Variants in GAS7 observed in about 807,000 individuals in gnomAD.
GAS7 encodes the protein growth arrest specific 7.
A neutral mutation model predicts 71.1 loss-of-function variants in GAS7; 28 were observed. The ratio of observed to expected loss-of-function variants is 0.39; its 90% CI spans 0.29 to 0.54. The LOEUF is 0.54. Among genes scored for constraint, GAS7 ranks in the 20% least tolerant of loss-of-function variants. The probability of loss-of-function intolerance (pLI) is 0.62; values close to 1 mark genes in which losing one functional copy is unlikely to be tolerated. For synonymous variants in GAS7, 258 were observed against 245.8 expected, an observed-to-expected ratio of 1.05 and a Z score of -0.46; for missense variants, 436 against 627.8, an observed-to-expected ratio of 0.69 and a Z score of 3.27.
intron 1 of GAS7, among the ~76,000 whole-genome samples, chr17:10,080,196 C>T (rs899762154): frequency 1.3e-5 from 2 of 152,168 alleles, no homozygotes; most frequent in Non-Finnish European, 2.9e-5. Context: ...TGGTCATCCT[C>T]GCTGCTCATT....
intron 1 of GAS7, chr17:10,039,692 T>C (rs1481582178): frequency 6.6e-6 from 3 of 452,222 alleles, no homozygotes; most frequent in Non-Finnish European, 1.3e-5. Context: ...CAAAAATAAA[T>C]AAATAAATAA....
chr17:10,190,271 T>C (rs2074487898), intron 1 of GAS7, among the ~76,000 whole-genome samples: 1 of 152,084 alleles, frequency 6.6e-6, no homozygotes, highest in Non-Finnish European at 1.5e-5. Flanking sequence ...CCAACGCAAG[T>C]TAAGAAGGAG....
chr17:10,016,124 G>A (rs752848676), intron 2 of GAS7, among the ~76,000 whole-genome samples: 4 of 152,116 alleles, frequency 2.6e-5, no homozygotes, highest in Non-Finnish European at 4.4e-5. Context: ...GGTGGCTCAC[G>A]CCTGTAATGC....
intron 1 of GAS7, among the ~76,000 whole-genome samples, chr17:10,089,985 T>C (rs1370212521): frequency 6.6e-6 from 1 of 151,926 alleles, no homozygotes; most frequent in Admixed American, 6.6e-5. Context: ...CCGGCCAACA[T>C]GGTGAAACCC....
rs745786026 is a variant in GAS7, at chr17:9,981,792, A to C, written c.385+12T>G. 1 of 1,498,400 alleles carries C rather than the reference A, an allele frequency of 6.7e-7. No homozygotes were observed. Among genetic ancestry groups the C allele is most frequent in the Non-Finnish European group, 9.3e-7 (1 of 1,074,438 alleles). The allele number at this position is 1,498,400 out of a possible 1,614,324, so 92.8% of individuals were successfully genotyped here. ...CCCTCCCAGTTGCCCCAAAGCAGAC[A>C]GCGGACATTACCTGTTGGAGGCAGA... On this transcript the variant is annotated intron_variant, in intron 3 of 13. Coordinates refer to ENST00000432992, the MANE Select transcript of GAS7 (RefSeq NM_201433.2). The surrounding 1 kb of genome is among the most constrained non-coding windows in gnomAD (Gnocchi z 4.4).
At chr17:10,178,792 A>G (rs1298087993) in intron 1 of GAS7, among the ~76,000 whole-genome samples, 2 of 139,726 alleles carry the variant, frequency 1.4e-5, no homozygotes, top group African/African-American at 5.4e-5. Context: ...AAACAGGAAG[A>G]TCTCTGCCCT....
intron 1 of GAS7, among the ~76,000 whole-genome samples, chr17:10,166,899 C>G (rs577012394): frequency 9.2e-5 from 14 of 152,210 alleles, no homozygotes; most frequent in Non-Finnish European, 1.5e-4. Context: ...ATCAAAGGCT[C>G]CAGAGATCCC....
intron 1 of GAS7, among the ~76,000 whole-genome samples, chr17:10,094,830 T>G (rs1027469952): frequency 2.0e-5 from 3 of 152,146 alleles, no homozygotes; most frequent in African/African-American, 7.2e-5. Flanking sequence ...TAACAGAATT[T>G]AATAAAACAG....
chr17:10,049,442 AT>A (rs962952196), intron 1 of GAS7, among the ~76,000 whole-genome samples: 1 of 152,040 alleles, frequency 6.6e-6, no homozygotes, highest in African/African-American at 2.4e-5. Context: ...CCTCACCCAA[AT>A]GAAGTACTAA....
At chr17:9,976,794 A>G (rs2070224134) in intron 3 of GAS7, among the ~76,000 whole-genome samples, 1 of 152,206 alleles carries the variant, frequency 6.6e-6, no homozygotes, top group Admixed American at 6.5e-5. Flanking sequence ...CAACCTCAAA[A>G]AATAATAGAT....
In GAS7 at chr17:10,046,744, A is replaced by AAAAAAG. The variant is rs1359873635; in HGVS notation, c.184-26848_184-26847insCTTTTT. ...GAGCAAGACTCTGTCTCAAAAAAAA[A>AAAAAAG]AAAAGAAAAGAAAAGAAAGAAAGAA... On this transcript the variant is annotated intron_variant, in intron 1 of 13. Coordinates refer to ENST00000432992, the MANE Select transcript of GAS7 (RefSeq NM_201433.2). Among the ~76,000 whole-genome samples the AAAAAAG allele has an allele frequency of 6.2e-3, 808 of 130,250 alleles. 29 individuals carry two copies. The highest frequency in any genetic ancestry group is 0.027 in the East Asian group (121 of 4,446). 85.4% of individuals were successfully genotyped at this position (130,250 alleles called of 152,430 possible).
chr17:9,954,458 G>A (rs2069144933), intron 5 of GAS7, among the ~76,000 whole-genome samples: 1 of 59,840 alleles, frequency 1.7e-5, no homozygotes, highest in African/African-American at 7.2e-5. Context: ...AGGGCAGTCT[G>A]CAGTGATGGG....
At position 9,926,426 on chromosome 17, in the gene GAS7, G is replaced by T. The variant is rs1378742405; in HGVS notation, c.1014+215C>A. ...TCTCCTCGCACCCCTGGCCCTCTGG[G>T]TGGTCATTCCAGCACCACAGGGAGG... On this transcript the variant is annotated intron_variant, in intron 10 of 13. Coordinates refer to ENST00000432992, the MANE Select transcript of GAS7 (RefSeq NM_201433.2). The surrounding 1 kb of genome is among the most constrained non-coding windows in gnomAD (Gnocchi z 5.0). Among the ~76,000 whole-genome samples the T allele has an allele frequency of 6.6e-6, 1 of 152,208 alleles. No individual in the cohort carries two copies. The highest frequency in any genetic ancestry group is 1.5e-5 in the Non-Finnish European group (1 of 68,026).
chr17:9,990,125 C>G (rs572008386), intron 2 of GAS7, among the ~76,000 whole-genome samples: 1 of 152,232 alleles, frequency 6.6e-6, no homozygotes, highest in South Asian at 2.1e-4. Flanking sequence ...AAAAATTAGC[C>G]GGGCGTGGTG....
intron 1 of GAS7, among the ~76,000 whole-genome samples, chr17:10,047,986 T>C (rs1224273617): frequency 6.6e-6 from 1 of 152,198 alleles, no homozygotes; most frequent in Admixed American, 6.5e-5. Flanking sequence ...AAATTAATAA[T>C]GAATTGCAAA....
rs966712328 is a variant in GAS7 at position 10,103,966 on chromosome 17, T to A, written c.184-84069A>T. ...CCTTCCCTCCCACAACAGTAACTCCTCCTACCAAAGGCAACTTACCTGCTT... is the reference window on the plus strand; with the variant it reads ...CCTTCCCTCCCACAACAGTAACTCCACCTACCAAAGGCAACTTACCTGCTT... On this transcript the variant is annotated intron_variant, in intron 1 of 13. Coordinates refer to ENST00000432992, the MANE Select transcript of GAS7 (RefSeq NM_201433.2). This position sits in a 1 kb window ranked among gnomAD's most constrained non-coding sequence, Gnocchi z 5.5. Among the ~76,000 whole-genome samples the A allele has an allele frequency of 6.6e-6, 1 of 151,962 alleles. No homozygotes were observed. Among genetic ancestry groups the A allele is most frequent in the African/African-American group, 2.4e-5 (1 of 41,354 alleles).
At chr17:10,167,044 C>CTTTTTTTTTTTTTTTTT (rs1164151104) in intron 1 of GAS7, among the ~76,000 whole-genome samples, 977 of 58,796 alleles carry the variant, frequency 0.017, 183 homozygotes, top group African/African-American at 0.021. Context: ...TTCCATTTGT[C>CTTTTTTTTTTTTTTTTT]TTTTTTTTTT....
Position 9,910,716 on chromosome 17 carries a change from T to C in GAS7, c.*6512A>G, listed in dbSNP as rs1288673370. On this transcript the variant is annotated 3_prime_UTR_variant, in exon 14 of 14. Transcript: ENST00000432992. ...ATTCTTCAGCATTAATACACACAAA[T>C]GCGGTAACAGGGGTCAGGGGGGTGG... 9.7e-6 allele frequency: 2 copies of C among 205,466 alleles called. No individual in the cohort carries two copies. Among genetic ancestry groups the C allele is most frequent in the Non-Finnish European group, 2.0e-5 (2 of 101,564 alleles). The allele number at this position is 205,466 out of a possible 1,614,324, so 12.7% of individuals were successfully genotyped here. A position where few individuals can be genotyped will look rare whatever the true frequency, so the allele number is the denominator to read the frequency against.
At chr17:10,169,141 C>T (rs755577250) in intron 1 of GAS7, among the ~76,000 whole-genome samples, 16 of 151,788 alleles carry the variant, frequency 1.1e-4, no homozygotes, top group Non-Finnish European at 2.4e-4. Flanking sequence ...GGCATGGTGG[C>T]GCGCACCTGT....
Sources: allele counts gnomAD v4.1 joint callset (sites outside exome capture counted in the v4.1 genomes callset), GRCh38; gene constraint gnomAD v4.1.1; non-coding constraint Gnocchi (gnomAD v3.1); transcripts MANE v1.5; gene names NCBI Gene and HGNC (gene_info 2026-07-23, HGNC 2026-07-21).